The following GRINA variants were observed in gnomAD, a reference collection of about 807,000 sequenced individuals.
The protein encoded by GRINA is protein lifeguard 1.
GRINA carries 26 observed loss-of-function variants against 42.5 expected under a neutral mutation model. That is an observed-to-expected ratio of 0.61 (90% CI 0.45 to 0.85). The LOEUF is 0.85. Among genes scored for constraint, GRINA ranks in the 40% least tolerant of loss-of-function variants. GRINA has a pLI of 0.00. For synonymous variants in GRINA, 256 were observed against 204.2 expected (o/e 1.25, Z -2.17); for missense variants, 475 against 481.5 (o/e 0.99, Z 0.13).
In GRINA at chr8:143,992,883, G is replaced by C; in HGVS notation, c.*42G>C. On this transcript the variant is annotated 3_prime_UTR_variant, in exon 7 of 7. Coordinates refer to ENST00000395068, the MANE Select transcript of GRINA (RefSeq NM_001009184.2). ...TGTGCCCGCTCAGGTGGCACGGCTG[G>C]CCTGGACCCTGCCCCTGGCACGGCA... 1 of 1,589,758 alleles carries C rather than the reference G, an allele frequency of 6.3e-7. No homozygotes were observed. Among genetic ancestry groups the C allele is most frequent in the Non-Finnish European group, 8.6e-7 (1 of 1,165,340 alleles).
At chr8:143,991,640 G>A (rs782494470) in intron 2 of GRINA, 38 bp downstream of exon 2, 1 of 1,591,896 alleles carries the variant, frequency 6.3e-7, no homozygotes, top group East Asian at 2.2e-5. Flanking sequence ...TGGCCGGGAG[G>A]GCAGGGGGAG....
intron 4 of GRINA, 36 bp from the exon 5 acceptor site, chr8:143,992,209 A>G (rs372445018): frequency 3.1e-6 from 5 of 1,602,366 alleles, no homozygotes; most frequent in Middle Eastern, 1.7e-4. Context: ...GCATGGGGGC[A>G]CACACCCAAG....
intron 2 of GRINA, 35 bp from the exon 3 acceptor site, chr8:143,991,657 G>A (rs782384705): frequency 1.3e-6 from 2 of 1,594,004 alleles, no homozygotes; most frequent in African/African-American, 1.3e-5. Context: ...GGAGGTGCTT[G>A]TGAGTGGCGC....
Position 143,993,084 on chromosome 8 carries a change from G to C in GRINA, c.*243G>C, listed in dbSNP as rs911388158. The C allele has an allele frequency of 5.8e-6, 3 of 514,436 alleles. No homozygotes were observed. Among genetic ancestry groups the C allele is most frequent in the African/African-American group, 5.8e-5 (3 of 52,124 alleles). 31.9% of individuals were successfully genotyped at this position (514,436 alleles called of 1,614,324 possible). A position where few individuals can be genotyped will look rare whatever the true frequency, so the allele number is the denominator to read the frequency against. ...CAAGGGGCACCAAGGCCACGTTTCC[G>C]TGCCACCTCCTGTCTACTCATTGTT... On this transcript the variant is annotated 3_prime_UTR_variant, in exon 7 of 7. Transcript: ENST00000395068.
In GRINA at chr8:143,991,865, G is replaced by GCTC. The variant is rs1402106693; in HGVS notation, c.493-10_493-8dup. On this transcript the variant is annotated splice_polypyrimidine_tract_variant and intron_variant, in intron 3 of 6. Transcript: ENST00000395068. ...GGCTCCCAGCGGATGACTCTGAGCG[G>GCTC]CTCCTTCCCCAGGTGTTCCTAGTGC... 1.2e-6 allele frequency: 2 copies of GCTC among 1,610,134 alleles called. No individual in the cohort carries two copies. Among genetic ancestry groups the GCTC allele is most frequent in the Non-Finnish European group, 1.7e-6 (2 of 1,177,380 alleles).
rs1834065472 is a variant in GRINA at position 143,990,100 on chromosome 8, T to A, written c.-124T>A. ...TCCGAGCCGCAGGCGCAGGCCCAGC[T>A]GAGCGGCCGCCGAGCGGGTGCGGGT... On this transcript the variant is annotated 5_prime_UTR_variant, in exon 1 of 7. Coordinates refer to ENST00000395068, the MANE Select transcript of GRINA (RefSeq NM_001009184.2). The surrounding 1 kb of genome is among the most constrained non-coding windows in gnomAD (Gnocchi z 5.6). 2 of 150,582 alleles carry A rather than the reference T, an allele frequency of 1.3e-5. No homozygotes were observed. Among genetic ancestry groups the A allele is most frequent in the African/African-American group, 4.9e-5 (2 of 41,082 alleles). 9.3% of individuals were successfully genotyped at this position (150,582 alleles called of 1,614,324 possible).
Position 143,992,600 on chromosome 8 carries a change from T to C in GRINA, c.958T>C (p.Phe320Leu). ...IVYASLGALL[F>L]TCFLAVDTQL... ...GTACGCCTCACTGGGCGCTCTGCTC[T>C]TCACCTGCGTGAGTGAGGGGTGACC... The change falls in exon 6 of 7, where the codon TTC becomes CTC. Residue 320 changes from phenylalanine to leucine, a missense_variant. Physicochemically the swap from Phe to Leu is conservative, Grantham distance 22. Transcript: ENST00000395068. 6.2e-7 allele frequency: 1 copy of C among 1,614,132 alleles called. No individual in the cohort carries two copies. The highest frequency in any genetic ancestry group is 8.5e-7 in the Non-Finnish European group (1 of 1,180,016).
In GRINA at chr8:143,991,815, G is replaced by T. The variant is rs781995702; in HGVS notation, c.492+11G>T. The stretch of plus-strand genomic sequence containing the variant: ...GCCTTCATCCGCAAGGTGGGTAGGG[G>T]CATCTCCAAGGCGGTGGGGGCTGTG... On this transcript the variant is annotated intron_variant, in intron 3 of 6. Transcript: ENST00000395068. The T allele has an allele frequency of 1.9e-5, 31 of 1,608,978 alleles. No individual in the cohort carries two copies. In the African/African-American group the frequency reaches 3.2e-4, roughly 17 times the overall value.
In GRINA at chr8:143,991,711, C is replaced by T. The variant is rs1554750531; in HGVS notation, c.399C>T (p.Tyr133=). 1 of 1,612,252 alleles carries T rather than the reference C, an allele frequency of 6.2e-7. No homozygotes were observed. The highest frequency in any genetic ancestry group is 1.3e-5 in the African/African-American group (1 of 74,864). ...TCTCAGCACCCCAGCATGGAAACTACCAGGAGGAGGGTCCCCCATCCTACT... is the reference window on the plus strand; with the variant it reads ...TCTCAGCACCCCAGCATGGAAACTATCAGGAGGAGGGTCCCCCATCCTACT... The part of the protein sequence containing the change: ...QDPDSPQHGN[Y]QEEGPPSYYD... Residue 133 remains tyrosine, a synonymous_variant, in exon 3 of 7, where the codon TAC becomes TAT. Coordinates refer to ENST00000395068, the MANE Select transcript of GRINA (RefSeq NM_001009184.2).
chr8:143,991,492 C>T lies in GRINA; in HGVS notation c.269C>T (p.Pro90Leu). The T allele has an allele frequency of 6.5e-7, 1 of 1,531,428 alleles. No homozygotes were observed. The highest frequency in any genetic ancestry group is 8.7e-7 in the Non-Finnish European group (1 of 1,145,228). 94.9% of individuals were successfully genotyped at this position (1,531,428 alleles called of 1,614,324 possible). The change falls in exon 2 of 7, where the codon CCA becomes CTA. Residue 90 changes from proline to leucine, a missense_variant. Coordinates refer to ENST00000395068, the MANE Select transcript of GRINA (RefSeq NM_001009184.2). ...GGCCCCTACCCACAAGAGGGCTACC[C>T]ACAGGGCCCCTACCCCCAAGGGGGC... ...PQGPYPQEGY[P>L]QGPYPQGGYP...
chr8:143,992,003 C>T lies in GRINA; in HGVS notation c.618C>T (p.Val206=), dbSNP rs1554750599. 1.2e-6 allele frequency: 2 copies of T among 1,613,856 alleles called. No homozygotes were observed. The highest frequency in any genetic ancestry group is 1.3e-5 in the African/African-American group (1 of 75,014). The part of the protein sequence containing the change: ...NVWTYYVSYA[V]FFISLIVLSC... Reference sequence around the variant, plus strand: ...GGACCTACTATGTCTCCTATGCTGTCTTCTTCATCTCTCTCATCGTCCTCA... The same window carrying T: ...GGACCTACTATGTCTCCTATGCTGTTTTCTTCATCTCTCTCATCGTCCTCA... The change falls in exon 4 of 7, where the codon GTC becomes GTT. Residue 206 remains valine, a synonymous_variant. Transcript: ENST00000395068.
intron 4 of GRINA, 76 bp downstream of exon 4, chr8:143,992,154 A>AC: frequency 6.2e-7 from 1 of 1,601,672 alleles, no homozygotes; most frequent in Non-Finnish European, 8.5e-7. Context: ...GGGCCTGGTC[A>AC]CCGTGGTTCT....
Position 143,991,360 on chromosome 8 carries a change from CT to C in GRINA, c.140del (p.Phe47SerfsTer121). The C allele has an allele frequency of 8.0e-7, 1 of 1,254,632 alleles. No homozygotes were observed. Among genetic ancestry groups the C allele is most frequent in the Non-Finnish European group, 1.1e-6 (1 of 903,858 alleles). 77.7% of individuals were successfully genotyped at this position (1,254,632 alleles called of 1,614,324 possible). A position where few individuals can be genotyped will look rare whatever the true frequency, so the allele number is the denominator to read the frequency against. On this transcript the variant is annotated frameshift_variant, in exon 2 of 7. Coordinates refer to ENST00000395068, the MANE Select transcript of GRINA (RefSeq NM_001009184.2). LOFTEE classifies it high-confidence loss of function. ...CCTGGGGCCCCTTACCCACAGCCCC[CT>C]TTCCAGCCCTCCCCCTACGGTCAGC... ...PYPGAPYPQP[P>X]FQPSPYGQPG... is the part of the protein sequence containing the mutation.
chr8:143,992,374 G>GAGGA lies in GRINA; in HGVS notation c.822+1_822+2insAGGA. On this transcript the variant is annotated splice_donor_variant, in intron 5 of 6. Coordinates refer to ENST00000395068, the MANE Select transcript of GRINA (RefSeq NM_001009184.2). LOFTEE classifies it high-confidence loss of function. ...CACCGTCGTCATCTTCTCCATGCAG[G>GAGGA]TGAGGGGCCTCCCGTGGCTGGGCTG... 1 of 1,606,138 alleles carries GAGGA rather than the reference G, an allele frequency of 6.2e-7. No individual in the cohort carries two copies. The highest frequency in any genetic ancestry group is 8.5e-7 in the Non-Finnish European group (1 of 1,174,466).
chr8:143,991,925 G>A lies in GRINA; in HGVS notation c.540G>A (p.Val180=), dbSNP rs1834104866. ...TLQLSVTLST[V]SVFTFVAEVK... ...AGCTGTCGGTGACCCTGTCCACGGT[G>A]TCTGTGTTCACTTTTGTTGCGGAGG... Residue 180 remains valine, a synonymous_variant, in exon 4 of 7, where the codon GTG becomes GTA. Coordinates refer to ENST00000395068, the MANE Select transcript of GRINA (RefSeq NM_001009184.2). 1.2e-6 allele frequency: 2 copies of A among 1,613,772 alleles called. No individual in the cohort carries two copies. The highest frequency in any genetic ancestry group is 1.7e-6 in the Non-Finnish European group (2 of 1,179,806).
In GRINA at chr8:143,992,339, C is replaced by T; in HGVS notation, c.788C>T (p.Ala263Val). 6.3e-7 allele frequency: 1 copy of T among 1,590,802 alleles called. No individual in the cohort carries two copies. The stretch of plus-strand genomic sequence containing the variant: ...ATCATGGCCGTGGGCATCACCACAG[C>T]CGTCTGCTTCACCGTCGTCATCTTC... Reference protein sequence around the residue: ...AVIMAVGITTAVCFTVVIFSM... With the variant: ...AVIMAVGITTVVCFTVVIFSM... Residue 263 changes from alanine to valine, a missense_variant, in exon 5 of 7, where the codon GCC becomes GTC. Ala to Val is a moderately conservative substitution (Grantham distance 64). Coordinates refer to ENST00000395068, the MANE Select transcript of GRINA (RefSeq NM_001009184.2).
Position 143,992,060 on chromosome 8 carries a change from CT to C in GRINA, c.676del (p.Trp226GlyfsTer9). The C allele has an allele frequency of 6.2e-7, 1 of 1,613,966 alleles. No individual in the cohort carries two copies. Among genetic ancestry groups the C allele is most frequent in the Non-Finnish European group, 8.5e-7 (1 of 1,179,896 alleles). The stretch of plus-strand genomic sequence containing the variant: ...GTGGGGACTTCCGGCGAAAGCACCC[CT>C]GGAACCTTGTTGCACTGGTAACCCC... Reference protein sequence around the residue: ...CCGDFRRKHPWNLVALSVLTA... With the variant: ...CCGDFRRKHPXNLVALSVLTA... On this transcript the variant is annotated frameshift_variant, in exon 4 of 7. Transcript: ENST00000395068. LOFTEE classifies it high-confidence loss of function.
chr8:143,992,671 C>A, intron 6 of GRINA, 21 bp from the exon 7 acceptor site: 1 of 1,613,922 alleles, frequency 6.2e-7, no homozygotes, highest in Non-Finnish European at 8.5e-7. Context: ...TCCCTCAACA[C>A]CACTGTGCTG....
Position 143,991,945 on chromosome 8 carries a change from C to G in GRINA, c.560C>G (p.Ala187Gly). ...LSTVSVFTFV[A>G]EVKGFVRENV... The stretch of plus-strand genomic sequence containing the variant: ...ACGGTGTCTGTGTTCACTTTTGTTG[C>G]GGAGGTGAAGGGCTTTGTCCGGGAG... Residue 187 changes from alanine to glycine, a missense_variant, in exon 4 of 7, where the codon GCG (alanine) becomes GGG (glycine). Transcript: ENST00000395068. 6.2e-7 allele frequency: 1 copy of G among 1,613,632 alleles called. No individual in the cohort carries two copies. Among genetic ancestry groups the G allele is most frequent in the Non-Finnish European group, 8.5e-7 (1 of 1,179,712 alleles).
Sources: gnomAD v4.1 joint callset for allele counts on GRCh38, gnomAD v4.1.1 for gene constraint, Gnocchi (gnomAD v3.1) non-coding constraint, MANE v1.5 for transcripts, NCBI Gene and HGNC (gene_info 2026-07-23, HGNC 2026-07-21) for gene names.